RABGAP1L: variants seen among roughly 807,000 people sequenced by gnomAD.
The protein encoded by RABGAP1L is RAB GTPase activating protein 1 like.
RABGAP1L carries 63 observed loss-of-function variants against 137.7 expected under a neutral mutation model. The observed-to-expected ratio is 0.46, with a 90% CI of 0.37 to 0.56. The LOEUF is 0.56. RABGAP1L is among the 20% of genes least tolerant of loss of function. The pLI is 0.00. For synonymous variants in RABGAP1L, 431 were observed against 433.7 expected (o/e 0.99, Z 0.08); for missense variants, 1,095 against 1,244.0 (o/e 0.88, Z 1.80).
At chr1:174,780,165 G>A (rs1686863807) in intron 18 of RABGAP1L, among the ~76,000 whole-genome samples, 1 of 151,982 alleles carries the variant, frequency 6.6e-6, no homozygotes, top group Admixed American at 6.6e-5. Context: ...CCAGTGTTGG[G>A]TATGGCCTCA....
intron 18 of RABGAP1L, among the ~76,000 whole-genome samples, chr1:174,758,061 T>C (rs1684907196): frequency 6.6e-6 from 1 of 151,850 alleles, no homozygotes; most frequent in Non-Finnish European, 1.5e-5. Context: ...GTATCTTTGA[T>C]GTTTTTGGCT....
intron 22 of RABGAP1L, among the ~76,000 whole-genome samples, chr1:174,977,767 G>C (rs1015023880): frequency 2.6e-5 from 4 of 152,156 alleles, no homozygotes; most frequent in African/African-American, 9.7e-5. Context: ...AAGGCGAGAA[G>C]GTTATTGTTT....
intron 18 of RABGAP1L, among the ~76,000 whole-genome samples, chr1:174,782,067 A>G (rs1297649289): frequency 1.3e-5 from 2 of 152,172 alleles, no homozygotes; most frequent in African/African-American, 2.4e-5. Flanking sequence ...TTGGTTGCAT[A>G]TGAACTTTAA....
intron 13 of RABGAP1L, among the ~76,000 whole-genome samples, chr1:174,444,532 A>C (rs1044500201): frequency 2.0e-5 from 3 of 151,998 alleles, no homozygotes; most frequent in African/African-American, 7.2e-5. Context: ...GTTCTTCTTT[A>C]AGTGTTTGGT....
At chr1:174,836,540 T>C (rs1261101448) in intron 19 of RABGAP1L, among the ~76,000 whole-genome samples, 1 of 152,230 alleles carries the variant, frequency 6.6e-6, no homozygotes, top group Non-Finnish European at 1.5e-5. Context: ...TTGAGAAATA[T>C]GTTTTCTTCC....
intron 4 of RABGAP1L, among the ~76,000 whole-genome samples, chr1:174,239,562 G>T (rs1200599773): frequency 6.6e-6 from 1 of 151,650 alleles, no homozygotes; most frequent in Non-Finnish European, 1.5e-5. Context: ...CTCATACTGG[G>T]CCATTTTTTT....
At chr1:174,686,759 C>T (rs1157968231) in intron 15 of RABGAP1L, among the ~76,000 whole-genome samples, 6 of 145,630 alleles carry the variant, frequency 4.1e-5, no homozygotes, top group African/African-American at 1.2e-4. Flanking sequence ...TGGGTTCAAG[C>T]GATTCTCCTG....
chr1:174,433,705 C>T (rs1652912300), intron 13 of RABGAP1L, among the ~76,000 whole-genome samples: 1 of 152,170 alleles, frequency 6.6e-6, no homozygotes, highest in Non-Finnish European at 1.5e-5. Context: ...ATACTTACTC[C>T]ATCCACCAGT....
At chr1:174,542,961 GTT>G (rs1665612491) in intron 13 of RABGAP1L, among the ~76,000 whole-genome samples, 1 of 152,208 alleles carries the variant, frequency 6.6e-6, no homozygotes, top group Non-Finnish European at 1.5e-5. Context: ...CTGGGAGACA[GTT>G]TGTTATAATT....
At chr1:174,242,309 A>T (rs1364034403) in intron 5 of RABGAP1L, among the ~76,000 whole-genome samples, 3 of 152,248 alleles carry the variant, frequency 2.0e-5, no homozygotes, top group African/African-American at 7.2e-5. Flanking sequence ...AGTTAATTAC[A>T]TAGGGAAATC....
At chr1:174,566,323 A>C (rs1482589963) in intron 13 of RABGAP1L, among the ~76,000 whole-genome samples, 2 of 151,928 alleles carry the variant, frequency 1.3e-5, no homozygotes, top group Non-Finnish European at 2.9e-5. Context: ...GTTTGTTTTA[A>C]TTTCGTTTTT....
At chr1:174,756,800 G>C (rs1237037355) in intron 18 of RABGAP1L, 4 of 515,286 alleles carry the variant, frequency 7.8e-6, no homozygotes, top group African/African-American at 1.9e-5. Context: ...GTCCCTACTC[G>C]GTTGCAAACT....
At chr1:174,510,321 A>C (rs879548676) in intron 13 of RABGAP1L, among the ~76,000 whole-genome samples, 4 of 152,142 alleles carry the variant, frequency 2.6e-5, no homozygotes, top group Non-Finnish European at 5.9e-5. Flanking sequence ...TGTTTTGTTT[A>C]CTGTTTTATC....
At chr1:174,918,195 TTC>T (rs1165800928) in intron 19 of RABGAP1L, among the ~76,000 whole-genome samples, 1 of 150,240 alleles carries the variant, frequency 6.7e-6, no homozygotes, top group African/African-American at 2.5e-5. Flanking sequence ...TATGTCCCAG[TTC>T]TGTCACTCAT....
At chr1:174,219,512 AAAG>A (rs1669595149) in intron 2 of RABGAP1L, among the ~76,000 whole-genome samples, 1 of 151,626 alleles carries the variant, frequency 6.6e-6, no homozygotes, top group Non-Finnish European at 1.5e-5. Flanking sequence ...GGGAAGAATA[AAAG>A]AAGAAAAAGA....
At chr1:174,602,413 A>G (rs1440542051) in intron 13 of RABGAP1L, among the ~76,000 whole-genome samples, 1 of 152,128 alleles carries the variant, frequency 6.6e-6, no homozygotes, top group Non-Finnish European at 1.5e-5. Context: ...GAAACTCGTG[A>G]GACTTATTCA....
intron 13 of RABGAP1L, among the ~76,000 whole-genome samples, chr1:174,540,475 G>A (rs1371146037): frequency 6.6e-6 from 1 of 152,146 alleles, no homozygotes; most frequent in Non-Finnish European, 1.5e-5. Context: ...TTTGTATAAG[G>A]TATACGGAAG....
intron 13 of RABGAP1L, among the ~76,000 whole-genome samples, chr1:174,496,121 AT>A (rs1238739305): frequency 2.0e-5 from 3 of 152,194 alleles, no homozygotes; most frequent in African/African-American, 7.2e-5. Context: ...GATTTTCTAA[AT>A]TCTAGAAATT....
chr1:174,533,891 C>G (rs989537636), intron 13 of RABGAP1L, among the ~76,000 whole-genome samples: 9 of 152,230 alleles, frequency 5.9e-5, no homozygotes, highest in Non-Finnish European at 1.0e-4. Flanking sequence ...AGGCTGGTCT[C>G]AAACTCCTGA....
Sources: allele counts gnomAD v4.1 joint callset (sites outside exome capture counted in the v4.1 genomes callset), GRCh38; gene constraint gnomAD v4.1.1; transcripts MANE v1.5; gene names NCBI Gene and HGNC (gene_info 2026-07-23, HGNC 2026-07-21).